The following CNTNAP2 variants were observed in gnomAD, a reference collection of about 807,000 sequenced individuals.
CNTNAP2 encodes contactin-associated protein-like 2.
In CNTNAP2, 98 loss-of-function variants were observed where a neutral mutation model predicts 155.2. The observed-to-expected ratio is 0.63, with a 90% CI of 0.54 to 0.75. The LOEUF (loss-of-function observed/expected upper bound fraction) is 0.75, where lower values mean the gene tolerates loss of function less well. Among genes scored for constraint, CNTNAP2 ranks in the 30% least tolerant of loss-of-function variants. The pLI is 0.00. For missense variants in CNTNAP2, 1,727 were observed against 1,688.1 expected (o/e 1.02, Z -0.40); for synonymous variants, 651 against 631.2 (o/e 1.03, Z -0.47).
At chr7:146,268,513 C>G (rs1177555301) in intron 1 of CNTNAP2, among the ~76,000 whole-genome samples, 1 of 152,154 alleles carries the variant, frequency 6.6e-6, no homozygotes, top group Non-Finnish European at 1.5e-5. Context: ...ACTCCATCTC[C>G]CCTCTGGCTG....
intron 1 of CNTNAP2, among the ~76,000 whole-genome samples, chr7:146,393,337 G>A (rs1482920333): frequency 6.6e-6 from 1 of 152,132 alleles, no homozygotes; most frequent in Non-Finnish European, 1.5e-5. Flanking sequence ...CCTCATTCCA[G>A]CTAAGAGTTG....
chr7:147,346,883 T>A (rs1795872302), intron 9 of CNTNAP2, among the ~76,000 whole-genome samples: 1 of 152,342 alleles, frequency 6.6e-6, no homozygotes, highest in Non-Finnish European at 1.5e-5. Flanking sequence ...CTTTTATCAC[T>A]TTTTTCTCAA....
intron 2 of CNTNAP2, among the ~76,000 whole-genome samples, chr7:146,838,815 T>C (rs563419708): frequency 1.5e-4 from 23 of 152,280 alleles, no homozygotes; most frequent in Admixed American, 7.2e-4. Context: ...ACACACGTTT[T>C]GATATACTGT....
At chr7:148,253,588 C>T (rs1449473058) in intron 20 of CNTNAP2, among the ~76,000 whole-genome samples, 1 of 152,166 alleles carries the variant, frequency 6.6e-6, no homozygotes, top group East Asian at 1.9e-4. Flanking sequence ...CATGGAAGCC[C>T]TTGCATAATG....
At chr7:148,132,213 A>C (rs1304895653) in intron 16 of CNTNAP2, among the ~76,000 whole-genome samples, 1 of 152,192 alleles carries the variant, frequency 6.6e-6, no homozygotes, top group African/African-American at 2.4e-5. Context: ...ATTTTACTGA[A>C]ATTACAAGAC....
chr7:147,838,483 G>A (rs1325441804), intron 13 of CNTNAP2, among the ~76,000 whole-genome samples: 5 of 152,022 alleles, frequency 3.3e-5, no homozygotes, highest in African/African-American at 9.7e-5. Flanking sequence ...ATGCCTTTAA[G>A]AGCACCCAAG....
chr7:146,117,785 A>G (rs1797508029), intron 1 of CNTNAP2, among the ~76,000 whole-genome samples: 1 of 152,152 alleles, frequency 6.6e-6, no homozygotes, highest in African/African-American at 2.4e-5. Flanking sequence ...CATTTTCTGC[A>G]TTCCTTTAGA....
intron 18 of CNTNAP2, among the ~76,000 whole-genome samples, chr7:148,189,450 A>G (rs574696801): frequency 6.6e-6 from 1 of 152,288 alleles, no homozygotes; most frequent in East Asian, 1.9e-4. Flanking sequence ...TTCCTTTTAT[A>G]AGGAACCGAC....
chr7:147,633,836 A>G (rs1393390704), intron 12 of CNTNAP2, among the ~76,000 whole-genome samples: 1 of 152,214 alleles, frequency 6.6e-6, no homozygotes, highest in Non-Finnish European at 1.5e-5. Context: ...ATGTGAGTCA[A>G]TTAAACTTCT....
intron 22 of CNTNAP2, among the ~76,000 whole-genome samples, chr7:148,405,340 C>T (rs952500098): frequency 3.3e-5 from 5 of 151,884 alleles, no homozygotes; most frequent in African/African-American, 1.2e-4. Flanking sequence ...TGCGTCATCT[C>T]AGGTAACTCC....
intron 14 of CNTNAP2, chr7:147,940,303 T>TAAAAAAAAAAAAAAAAAAAAA (rs59484615): frequency 1.2e-4 from 11 of 91,694 alleles, no homozygotes; most frequent in African/African-American, 4.2e-4. Context: ...CCTGTCTCTT[T>TAAAAAAAAAAAAAAAAAAAAA]AAAAAAAAAA....
In CNTNAP2 at chr7:148,141,694, G is replaced by T. The variant is rs545460357; in HGVS notation, c.2555-5797G>T. ...TATATTATTCCAGATAGTGATACAT[G>T]CTATGCAGACTTTTTAAAAATCAGG... On this transcript the variant is annotated intron_variant, in intron 16 of 23. Transcript: ENST00000361727. Among the ~76,000 whole-genome samples the T allele has an allele frequency of 1.2e-4, 18 of 152,314 alleles. No homozygotes were observed. The South Asian group carries it at 3.5e-3, about 30-fold the overall frequency.
At chr7:147,128,651 A>G in intron 6 of CNTNAP2, 42 bp from the exon 7 acceptor site, 5 of 1,611,328 alleles carry the variant, frequency 3.1e-6, no homozygotes, top group Non-Finnish European at 4.2e-6. Context: ...AGTTCATCAT[A>G]ATACAATGTG....
At chr7:148,102,570 C>A (rs189786675) in intron 15 of CNTNAP2, among the ~76,000 whole-genome samples, 2 of 152,254 alleles carry the variant, frequency 1.3e-5, no homozygotes, top group Admixed American at 1.3e-4. Context: ...AGTGAAATCC[C>A]AAATTGGCAT....
chr7:147,393,593 T>C (rs1796759994), intron 9 of CNTNAP2, among the ~76,000 whole-genome samples: 1 of 152,040 alleles, frequency 6.6e-6, no homozygotes, highest in African/African-American at 2.4e-5. Context: ...CTATTCAATT[T>C]TATCTTGATT....
rs537099832 is a variant in CNTNAP2 at position 147,708,146 on chromosome 7, G to T, written c.2098+68840G>T. On this transcript the variant is annotated intron_variant, in intron 13 of 23. Coordinates refer to ENST00000361727, the MANE Select transcript of CNTNAP2 (RefSeq NM_014141.6). ...CAACCCTGCTACTGGGGAAGGCAAG[G>T]TTGCTTTCAGTGGCAGCAGCTGTAT... Among the ~76,000 whole-genome samples, 9 of 152,296 alleles carry T rather than the reference G, an allele frequency of 5.9e-5. No individual in the cohort carries two copies. In the East Asian group the frequency reaches 1.5e-3, roughly 26 times the overall value.
intron 1 of CNTNAP2, among the ~76,000 whole-genome samples, chr7:146,585,681 G>A (rs1798678100): frequency 6.7e-6 from 1 of 150,046 alleles, no homozygotes; most frequent in Non-Finnish European, 1.5e-5. Flanking sequence ...TTAGAACATG[G>A]CTAAAACTCA....
chr7:146,959,080 C>T (rs571426880), intron 3 of CNTNAP2, among the ~76,000 whole-genome samples: 8 of 151,924 alleles, frequency 5.3e-5, no homozygotes, highest in Non-Finnish European at 1.0e-4. Flanking sequence ...AGTGCAGTGG[C>T]GCCATCTCGG....
In CNTNAP2 at chr7:147,601,862, C is replaced by G. The variant is rs545804906; in HGVS notation, c.1898-37244C>G. ...CTTAATTTTTAGATTCAATCTTTTT[C>G]TGTCTCTCTTTCTTTCTCTGTTTCT... On this transcript the variant is annotated intron_variant, in intron 12 of 23. Transcript: ENST00000361727. 5.3e-5 allele frequency among the ~76,000 whole-genome samples: 8 copies of G among 151,722 alleles called. No homozygotes were observed. The East Asian group carries it at 1.6e-3, about 29-fold the overall frequency.
Sources: allele counts gnomAD v4.1 joint callset (sites outside exome capture counted in the v4.1 genomes callset), GRCh38; gene constraint gnomAD v4.1.1; transcripts MANE v1.5; gene names NCBI Gene and HGNC (gene_info 2026-07-23, HGNC 2026-07-21).